Variants in ZEB2 observed in about 807,000 individuals in gnomAD.
ZEB2 encodes zinc finger E-box-binding homeobox 2.
Under a neutral mutation model 99.9 loss-of-function variants are expected in ZEB2, and 6 were observed. The observed-to-expected ratio is 0.06, with a 90% CI of 0.03 to 0.12. ZEB2 has a LOEUF of 0.12. Among genes scored for constraint, ZEB2 ranks in the 10% least tolerant of loss-of-function variants. ZEB2 has a pLI of 1.00. For missense variants in ZEB2, 969 were observed against 1,502.8 expected (o/e 0.64, Z 5.87); for synonymous variants, 517 against 542.5 (o/e 0.95, Z 0.65).
intron 9 of ZEB2, among the ~76,000 whole-genome samples, chr2:144,392,176 G>A (rs530414098): frequency 9.8e-5 from 15 of 152,316 alleles, no homozygotes; most frequent in African/African-American, 2.4e-4. Context: ...TTGCTACGGC[G>A]TGTATGGGCA....
intron 3 of ZEB2, chr2:144,428,553 CACCGAA>C (rs1438091605): frequency 6.6e-6 from 1 of 152,178 alleles, no homozygotes; most frequent in Non-Finnish European, 1.5e-5. Context: ...GAGAAACCTT[CACCGAA>C]AGCAAAATTG....
rs575433136 is a variant in ZEB2, at chr2:144,458,452, G to A, written c.74-28426C>T. Among the ~76,000 whole-genome samples, 233 of 152,100 alleles carry A rather than the reference G, an allele frequency of 1.5e-3. 8 individuals are homozygous for A. In the South Asian group the frequency reaches 0.032, roughly 21 times the overall value. On this transcript the variant is annotated intron_variant, in intron 2 of 9. Transcript: ENST00000627532. The stretch of plus-strand genomic sequence containing the variant: ...TTTGCAGTTCTCGCCAGCTGGAGGA[G>A]TCTTCCTGGTATTGATTGATTATCA...
intron 2 of ZEB2, chr2:144,513,055 ACTCTCGTTGC>A: frequency 7.8e-7 from 1 of 1,287,118 alleles, no homozygotes; most frequent in East Asian, 5.6e-5. Flanking sequence ...AGTGTGTATG[ACTCTCGTTGC>A]CCCATCCCAA....
chr2:144,464,772 G>A (rs1341159966), intron 2 of ZEB2, among the ~76,000 whole-genome samples: 5 of 152,094 alleles, frequency 3.3e-5, no homozygotes, highest in African/African-American at 1.2e-4. Flanking sequence ...TTTTGATATT[G>A]AAAGATTAAA....
chr2:144,426,720 C>A (rs377472675), intron 3 of ZEB2: 144 of 152,248 alleles, frequency 9.5e-4, no homozygotes, highest in African/African-American at 3.4e-3. Flanking sequence ...AAAGACTGTG[C>A]AACTGAGATC....
chr2:144,437,920 ATTGTTTTAG>A (rs1301763295), intron 2 of ZEB2, among the ~76,000 whole-genome samples: 1 of 152,186 alleles, frequency 6.6e-6, no homozygotes, highest in African/African-American at 2.4e-5. Flanking sequence ...ATTTTCTCTG[ATTGTTTTAG>A]TTGCCCCACC....
intron 8 of ZEB2, 110 bp downstream of exon 8, chr2:144,398,191 T>G: frequency 1.4e-6 from 2 of 1,425,748 alleles, no homozygotes; most frequent in South Asian, 2.5e-5. Context: ...TAAAGCAAAC[T>G]CTTCTGTTTC....
At chr2:144,518,006 G>A in intron 1 of ZEB2, 2 of 149,818 alleles carry the variant, frequency 1.3e-5, no homozygotes, top group Non-Finnish European at 1.2e-5. Flanking sequence ...CCCCACCCTC[G>A]CCCCCAAATT....
At chr2:144,406,878 A>T (rs2149880602) in intron 4 of ZEB2, among the ~76,000 whole-genome samples, 1 of 152,284 alleles carries the variant, frequency 6.6e-6, no homozygotes, top group South Asian at 2.1e-4. Context: ...GCCAGGCAAA[A>T]GATACTGTTA....
intron 8 of ZEB2, 122 bp from the exon 9 acceptor site, chr2:144,396,714 A>T: frequency 1.9e-6 from 2 of 1,057,414 alleles, no homozygotes; most frequent in South Asian, 2.7e-5. Context: ...TGAGTTAAAC[A>T]TTTTTTTTTC....
intron 2 of ZEB2, chr2:144,516,343 G>T (rs1198942622): frequency 1.3e-5 from 2 of 150,966 alleles, no homozygotes; most frequent in Non-Finnish European, 2.9e-5. Flanking sequence ...TACCTAGGGG[G>T]TCTCTCTCTC....
intron 2 of ZEB2, among the ~76,000 whole-genome samples, chr2:144,478,122 C>A (rs957977005): frequency 2.0e-5 from 3 of 152,160 alleles, no homozygotes; most frequent in Non-Finnish European, 4.4e-5. Flanking sequence ...AAGCAATACA[C>A]AAGTTCAGTG....
At chr2:144,424,546 A>T in intron 4 of ZEB2, 1 of 639,752 alleles carries the variant, frequency 1.6e-6, no homozygotes. Flanking sequence ...CACTGAAAGG[A>T]TCCATTCATA....
intron 2 of ZEB2, among the ~76,000 whole-genome samples, chr2:144,483,688 C>T (rs1704551382): frequency 6.6e-6 from 1 of 152,138 alleles, no homozygotes; most frequent in Admixed American, 6.5e-5. Context: ...AAAGAATCTA[C>T]TTTTGGATAA....
At chr2:144,446,657 A>ATT (rs200486379) in intron 2 of ZEB2, among the ~76,000 whole-genome samples, 2 of 150,660 alleles carry the variant, frequency 1.3e-5, no homozygotes, top group African/African-American at 4.9e-5. Context: ...ATCTACTCTC[A>ATT]TTTTTTTTTC....
At chr2:144,511,937 T>C (rs1705045436) in intron 2 of ZEB2, 1 of 1,287,246 alleles carries the variant, frequency 7.8e-7, no homozygotes, top group Non-Finnish European at 1.0e-6. Context: ...TGTGGTGACA[T>C]TTAATTCTGT....
At chr2:144,413,267 C>T (rs1573729575) in intron 4 of ZEB2, among the ~76,000 whole-genome samples, 1 of 152,160 alleles carries the variant, frequency 6.6e-6, no homozygotes, top group South Asian at 2.1e-4. Context: ...CAGACAACAT[C>T]ACAAGCAAAA....
chr2:144,511,575 A>G (rs1705039680), intron 2 of ZEB2: 1 of 1,279,802 alleles, frequency 7.8e-7, no homozygotes, highest in African/African-American at 1.5e-5. Context: ...AAATACTTGG[A>G]TCTTACTTTT....
chr2:144,449,186 A>C (rs1704023744), intron 2 of ZEB2, among the ~76,000 whole-genome samples: 1 of 152,196 alleles, frequency 6.6e-6, no homozygotes, highest in South Asian at 2.1e-4. Context: ...AAACTGAGAG[A>C]AACCTGAGAA....
Sources: gnomAD v4.1 joint callset for allele counts (sites outside exome capture counted in the v4.1 genomes callset) on GRCh38, gnomAD v4.1.1 for gene constraint, MANE v1.5 for transcripts, NCBI Gene and HGNC (gene_info 2026-07-23, HGNC 2026-07-21) for gene names.